CARD6: variants seen among roughly 807,000 people sequenced by gnomAD.
CARD6 encodes the protein caspase recruitment domain family member 6.
Under a neutral mutation model 23.6 loss-of-function variants are expected in CARD6, and 27 were observed. The observed-to-expected ratio is 1.14, with a 90% CI of 0.84 to 1.58. CARD6 has a LOEUF of 1.58. CARD6 is among the 40% of genes most tolerant of loss of function. The probability of loss-of-function intolerance (pLI) is 0.00; values close to 1 mark genes in which losing one functional copy is unlikely to be tolerated. For synonymous variants in CARD6, 397 were observed against 431.8 expected (o/e 0.92, Z 1.00); for missense variants, 1,214 against 1,209.9 (o/e 1.00, Z -0.05).
chr5:40,844,886 T>C (rs932363530), intron 2 of CARD6, among the ~76,000 whole-genome samples: 1 of 151,094 alleles, frequency 6.6e-6, no homozygotes, highest in African/African-American at 2.4e-5. Context: ...TTTTTTTTTT[T>C]TGAAACAGAG....
chr5:40,854,291 T>A lies in CARD6; in HGVS notation c.2959T>A (p.Cys987Ser), dbSNP rs768244899. ...GCCCTCCCAAACTAAACCTTCTCCA[T>A]GCAAATCTACTCAGCCTAAGCCAAG... ...SQPSQTKPSPCKSTQPKPSQP... is the reference protein window; with the variant it reads ...SQPSQTKPSPSKSTQPKPSQP... Residue 987 changes from cysteine to serine, a missense_variant, in exon 3 of 3, where the codon TGC becomes AGC. Coordinates refer to ENST00000254691, the MANE Select transcript of CARD6 (RefSeq NM_032587.4). The A allele has an allele frequency of 1.2e-6, 2 of 1,614,098 alleles. No homozygotes were observed. The highest frequency in any genetic ancestry group is 3.3e-5 in the Admixed American group (2 of 60,006).
chr5:40,849,419 CTCTT>C (rs1275115748), intron 2 of CARD6, among the ~76,000 whole-genome samples: 7 of 152,158 alleles, frequency 4.6e-5, no homozygotes, highest in African/African-American at 1.7e-4. Context: ...CCTCTGTGAA[CTCTT>C]TCTTCATGCT....
chr5:40,853,539 C>A lies in CARD6; in HGVS notation c.2207C>A (p.Thr736Asn). The A allele has an allele frequency of 6.2e-7, 1 of 1,614,194 alleles. No individual in the cohort carries two copies. The highest frequency in any genetic ancestry group is 8.5e-7 in the Non-Finnish European group (1 of 1,180,016). Reference protein sequence around the residue: ...PVLENSWLFPTRIGGNFNHVS... With the variant: ...PVLENSWLFPNRIGGNFNHVS... ...CTAGAGAACTCCTGGCTCTTTCCAA[C>A]CAGAATTGGAGGTAACTTTAACCAT... is the stretch of plus-strand genomic sequence containing the variant. Residue 736 changes from threonine to asparagine, a missense_variant, in exon 3 of 3, where the codon ACC (threonine) becomes AAC (asparagine). Transcript: ENST00000254691.
At chr5:40,852,104 C>G in intron 2 of CARD6, 70 bp from the exon 3 acceptor site, 2 of 998,136 alleles carry the variant, frequency 2.0e-6, no homozygotes, top group Middle Eastern at 2.8e-4. Flanking sequence ...GAGACTGTCT[C>G]AAAAAAAGAA....
chr5:40,845,004 A>G (rs1338006260), intron 2 of CARD6, among the ~76,000 whole-genome samples: 1 of 151,442 alleles, frequency 6.6e-6, no homozygotes, highest in Non-Finnish European at 1.5e-5. Context: ...GGTAGCTGGG[A>G]TTACAGGTGC....
intron 2 of CARD6, among the ~76,000 whole-genome samples, chr5:40,849,522 T>C (rs530136166): frequency 3.9e-5 from 6 of 152,220 alleles, no homozygotes; most frequent in African/African-American, 9.6e-5. Flanking sequence ...TATAGTTACT[T>C]TTATTAATTC....
chr5:40,851,212 C>A (rs1020882491), intron 2 of CARD6, among the ~76,000 whole-genome samples: 18 of 151,706 alleles, frequency 1.2e-4, no homozygotes, highest in African/African-American at 4.4e-4. Context: ...TGCCTGTAAT[C>A]CCAGCTACTC....
chr5:40,852,163 C>G lies in CARD6; in HGVS notation c.842-11C>G. The G allele has an allele frequency of 6.5e-7, 1 of 1,545,540 alleles. No individual in the cohort carries two copies. The highest frequency in any genetic ancestry group is 8.8e-7 in the Non-Finnish European group (1 of 1,130,118). On this transcript the variant is annotated splice_polypyrimidine_tract_variant and intron_variant, in intron 2 of 2. Coordinates refer to ENST00000254691, the MANE Select transcript of CARD6 (RefSeq NM_032587.4). ...TGAACATGGCATTCACTATTATCTTCTCTCCTACAGAAAGAAAAAAGGTGT... is the reference window on the plus strand; with the variant it reads ...TGAACATGGCATTCACTATTATCTTGTCTCCTACAGAAAGAAAAAAGGTGT...
At chr5:40,843,840 G>A (rs573234594) in intron 2 of CARD6, 131 bp downstream of exon 2, 29 of 583,398 alleles carry the variant, frequency 5.0e-5, no homozygotes, top group Non-Finnish European at 6.2e-5. Context: ...GAAATTCCTC[G>A]TGCCTCTCTG....
intron 2 of CARD6, among the ~76,000 whole-genome samples, chr5:40,844,251 AT>A (rs1220772028): frequency 1.3e-5 from 2 of 152,274 alleles, no homozygotes; most frequent in Admixed American, 6.5e-5. Context: ...TTTAAAAAAA[AT>A]TTGTTTTTAA....
intron 2 of CARD6, among the ~76,000 whole-genome samples, chr5:40,850,291 A>G (rs1220019052): frequency 6.7e-6 from 1 of 149,364 alleles, no homozygotes; most frequent in Non-Finnish European, 1.5e-5. Context: ...GCACCCGCAT[A>G]TGGTCCCAGC....
In CARD6 at chr5:40,852,384, A is replaced by T. The variant is rs764058090; in HGVS notation, c.1052A>T (p.Asp351Val). The T allele has an allele frequency of 1.1e-5, 17 of 1,614,000 alleles. No homozygotes were observed. The highest frequency in any genetic ancestry group is 1.4e-5 in the Non-Finnish European group (17 of 1,180,016). The change falls in exon 3 of 3, where the codon GAT (aspartate) becomes GTT (valine). Residue 351 changes from aspartate (D) to valine (V), a missense_variant. Asp to Val is a radical substitution (Grantham distance 152). Transcript: ENST00000254691. ...RDSILSHKVL[D>V]EDSKEDLLAG... is the part of the protein sequence containing the mutation. ...TCAATCCTCAGTCACAAGGTTCTGG[A>T]TGAAGATAGCAAGGAGGATTTGCTG...
chr5:40,853,296 T>C lies in CARD6; in HGVS notation c.1964T>C (p.Ile655Thr). 1.9e-6 allele frequency: 3 copies of C among 1,614,146 alleles called. No homozygotes were observed. In the South Asian group the frequency reaches 3.3e-5, roughly 18 times the overall value. The stretch of plus-strand genomic sequence containing the variant: ...GCCGCCCTGGCCAGGGAGCTGGGGA[T>C]TCAGGTAGATGAAGACTTTGAAAAC... Reference protein sequence around the residue: ...DMAALARELGIQVDEDFENTQ... With the variant: ...DMAALARELGTQVDEDFENTQ... Residue 655 changes from isoleucine to threonine, a missense_variant, in exon 3 of 3, where the codon ATT becomes ACT. Transcript: ENST00000254691.
At chr5:40,850,023 C>T (rs545552279) in intron 2 of CARD6, among the ~76,000 whole-genome samples, 1 of 151,372 alleles carries the variant, frequency 6.6e-6, no homozygotes, top group East Asian at 1.9e-4. Flanking sequence ...AATGGGAGAT[C>T]AGGAAAAATT....
chr5:40,844,268 G>T (rs960434857), intron 2 of CARD6, among the ~76,000 whole-genome samples: 8 of 152,050 alleles, frequency 5.3e-5, no homozygotes, highest in Non-Finnish European at 1.0e-4. Context: ...TTTAAACAGG[G>T]TCTCACTCAG....
At position 40,852,743 on chromosome 5, in the gene CARD6, C is replaced by G. The variant is rs776683333; in HGVS notation, c.1411C>G (p.Leu471Val). ...GYCSFSKSRI[L>V]NTLLSPAQLK... Reference sequence around the variant, plus strand: ...CTGTAGCTTCTCTAAGTCCAGAATCCTCAACACACTTCTCAGCCCTGCCCA... The same window carrying G: ...CTGTAGCTTCTCTAAGTCCAGAATCGTCAACACACTTCTCAGCCCTGCCCA... The change falls in exon 3 of 3, where the codon CTC becomes GTC. Residue 471 changes from leucine (L) to valine (V), a missense_variant. Leu to Val is a conservative substitution (Grantham distance 32). Coordinates refer to ENST00000254691, the MANE Select transcript of CARD6 (RefSeq NM_032587.4). 6.2e-7 allele frequency: 1 copy of G among 1,613,712 alleles called. No homozygotes were observed. Among genetic ancestry groups the G allele is most frequent in the Non-Finnish European group, 8.5e-7 (1 of 1,179,886 alleles).
Position 40,854,666 on chromosome 5 carries a change from C to G in CARD6, c.*220C>G, listed in dbSNP as rs1381291896. 2.0e-6 allele frequency: 1 copy of G among 504,468 alleles called. No homozygotes were observed. Among genetic ancestry groups the G allele is most frequent in the Non-Finnish European group, 3.5e-6 (1 of 282,766 alleles). 31.2% of individuals were successfully genotyped at this position (504,468 alleles called of 1,614,324 possible). The stretch of plus-strand genomic sequence containing the variant: ...AGTGCAATGGCACGATCTCGGCTCA[C>G]CGCAACCTCTGCTTCCTGGCTTAAA... On this transcript the variant is annotated 3_prime_UTR_variant, in exon 3 of 3. Transcript: ENST00000254691.
At position 40,852,198 on chromosome 5, in the gene CARD6, T is replaced by C. The variant is rs1269101867; in HGVS notation, c.866T>C (p.Val289Ala). The change falls in exon 3 of 3, where the codon GTC becomes GCC. Residue 289 changes from valine (V) to alanine (A), a missense_variant. Physicochemically the swap from Val to Ala is moderately conservative, Grantham distance 64 (BLOSUM62 0). Coordinates refer to ENST00000254691, the MANE Select transcript of CARD6 (RefSeq NM_032587.4). ...GAAAGAAAAAAGGTGTTTAAAGATG[T>C]CCTGTTATGTTTGAACATGGATAGA... ...IEERKKVFKD[V>A]LLCLNMDRSR... 1.2e-6 allele frequency: 2 copies of C among 1,611,246 alleles called. No homozygotes were observed. The highest frequency in any genetic ancestry group is 1.7e-6 in the Non-Finnish European group (2 of 1,178,126).
Position 40,853,526 on chromosome 5 carries a change from T to C in CARD6, c.2194T>C (p.Trp732Arg), listed in dbSNP as rs568392329. Reference protein sequence around the residue: ...PVFRPVLENSWLFPTRIGGNF... With the variant: ...PVFRPVLENSRLFPTRIGGNF... ...ATTCAGGCCTGTTCTAGAGAACTCC[T>C]GGCTCTTTCCAACCAGAATTGGAGG... is the stretch of plus-strand genomic sequence containing the variant. The change falls in exon 3 of 3, where the codon TGG (tryptophan) becomes CGG (arginine). Residue 732 changes from tryptophan to arginine, a missense_variant. Physicochemically the swap from Trp to Arg is moderately radical, Grantham distance 101. Coordinates refer to ENST00000254691, the MANE Select transcript of CARD6 (RefSeq NM_032587.4). 2 of 1,614,202 alleles carry C rather than the reference T, an allele frequency of 1.2e-6. No homozygotes were observed. The highest frequency in any genetic ancestry group is 2.2e-5 in the South Asian group (2 of 91,080).
Sources: allele counts gnomAD v4.1 joint callset (sites outside exome capture counted in the v4.1 genomes callset), GRCh38; gene constraint gnomAD v4.1.1; transcripts MANE v1.5; gene names NCBI Gene and HGNC (gene_info 2026-07-23, HGNC 2026-07-21).